The following HDAC4 variants were observed in gnomAD, a reference collection of about 807,000 sequenced individuals.
HDAC4 encodes histone deacetylase 4, also known as histone deacetylase A.
HDAC4 carries 16 observed loss-of-function variants against 135.1 expected under a neutral mutation model. That is an observed-to-expected ratio of 0.12 (90% CI 0.08 to 0.18). The LOEUF (loss-of-function observed/expected upper bound fraction) is 0.18, where lower values mean the gene tolerates loss of function less well. Among genes scored for constraint, HDAC4 ranks in the 10% least tolerant of loss-of-function variants. The probability of loss-of-function intolerance (pLI) is 1.00; values close to 1 mark genes in which losing one functional copy is unlikely to be tolerated. For synonymous variants in HDAC4, 685 were observed against 653.4 expected (o/e 1.05, Z -0.74); for missense variants, 1,143 against 1,511.8 (o/e 0.76, Z 4.05).
At chr2:239,086,702 C>A (rs77616728) in intron 19 of HDAC4, among the ~76,000 whole-genome samples, 7 of 152,348 alleles carry the variant, frequency 4.6e-5, no homozygotes, top group Admixed American at 4.6e-4. Context: ...TGCTTCCTGG[C>A]CACAGCCTGA....
At chr2:239,298,587 C>G (rs1273162943) in intron 2 of HDAC4, 1 of 1,018,260 alleles carries the variant, frequency 9.8e-7, no homozygotes, top group African/African-American at 1.7e-5. Context: ...CACCCACATC[C>G]GGTGCACAGC....
intron 2 of HDAC4, among the ~76,000 whole-genome samples, chr2:239,244,866 G>A (rs576932748): frequency 6.6e-6 from 1 of 152,162 alleles, no homozygotes; most frequent in Non-Finnish European, 1.5e-5. Context: ...GCATAGGCTT[G>A]ATGCTCCATA....
intron 24 of HDAC4, among the ~76,000 whole-genome samples, chr2:239,062,421 C>T (rs1050316910): frequency 6.6e-6 from 1 of 152,226 alleles, no homozygotes; most frequent in African/African-American, 2.4e-5. Context: ...GGCAGAGGGG[C>T]GGGGCCCAGG....
intron 9 of HDAC4, among the ~76,000 whole-genome samples, chr2:239,135,733 T>A (rs10166405): frequency 6.6e-6 from 1 of 152,136 alleles, no homozygotes; most frequent in Non-Finnish European, 1.5e-5. Flanking sequence ...CCAGCAGGCA[T>A]GGCAGAGCTA....
intron 2 of HDAC4, among the ~76,000 whole-genome samples, chr2:239,338,207 T>C (rs1435756677): frequency 6.6e-6 from 1 of 152,102 alleles, no homozygotes; most frequent in African/African-American, 2.4e-5. Flanking sequence ...AAATGCACGG[T>C]TTCTAGACCT....
At chr2:239,134,216 T>A in intron 11 of HDAC4, 29 bp downstream of exon 11, 1 of 1,593,058 alleles carries the variant, frequency 6.3e-7, no homozygotes, top group Non-Finnish European at 8.6e-7. Context: ...CCTCAGAGCC[T>A]GGCTGCACCC....
intron 1 of HDAC4, among the ~76,000 whole-genome samples, chr2:239,399,119 C>T (rs1696764788): frequency 6.6e-6 from 1 of 152,174 alleles, no homozygotes; most frequent in Admixed American, 6.5e-5. Flanking sequence ...AGTAGAATAT[C>T]TGGGAAAGCC....
intron 1 of HDAC4, among the ~76,000 whole-genome samples, chr2:239,373,184 G>T (rs78704684): frequency 0.017 from 2,570 of 152,204 alleles, 57 homozygotes; most frequent in East Asian, 0.12. Context: ...CTCTAAAGAG[G>T]CTGCAGCCGC....
At position 239,255,222 on chromosome 2, in the gene HDAC4, A is replaced by C. The variant is rs1286831741; in HGVS notation, c.23-18558T>G. 2.0e-4 allele frequency among the ~76,000 whole-genome samples: 30 copies of C among 152,162 alleles called. 1 individual carries two copies. The highest frequency in any genetic ancestry group is 2.0e-3 in the Admixed American group (30 of 15,284). On this transcript the variant is annotated intron_variant, in intron 2 of 26. Coordinates refer to ENST00000543185, the MANE Select transcript of HDAC4 (RefSeq NM_001378414.1). ...CTAGTAAATCATGTAAGTACACATT[A>C]ATAACTACTGAATATTCAATTAATA...
chr2:239,359,058 A>AT (rs1559383344), intron 1 of HDAC4, among the ~76,000 whole-genome samples: 1 of 152,160 alleles, frequency 6.6e-6, no homozygotes, highest in Non-Finnish European at 1.5e-5. Flanking sequence ...AAGTACAAAT[A>AT]TTTTAAGTAA....
chr2:239,102,544 T>C (rs2037760702), intron 16 of HDAC4: 1 of 549,290 alleles, frequency 1.8e-6, no homozygotes, highest in East Asian at 3.2e-5. Context: ...AAGATGCTTC[T>C]AAACCAACGG....
intron 1 of HDAC4, among the ~76,000 whole-genome samples, chr2:239,395,925 T>C (rs898157632): frequency 6.6e-6 from 1 of 152,242 alleles, no homozygotes; most frequent in Non-Finnish European, 1.5e-5. Flanking sequence ...TTAAGACTTT[T>C]CTAGAGAGCA....
At chr2:239,380,027 G>T (rs1012398573) in intron 1 of HDAC4, among the ~76,000 whole-genome samples, 2 of 152,216 alleles carry the variant, frequency 1.3e-5, no homozygotes, top group African/African-American at 4.8e-5. Flanking sequence ...GGGGCGCCAA[G>T]ACTCCACTGG....
At chr2:239,271,708 A>G (rs1021842534) in intron 2 of HDAC4, among the ~76,000 whole-genome samples, 1 of 152,188 alleles carries the variant, frequency 6.6e-6, no homozygotes, top group African/African-American at 2.4e-5. Context: ...CTGGACCCCG[A>G]AGACAGGTTG....
At chr2:239,154,014 G>C (rs747432054) in intron 7 of HDAC4, among the ~76,000 whole-genome samples, 2 of 152,204 alleles carry the variant, frequency 1.3e-5, no homozygotes, top group Non-Finnish European at 2.9e-5. Flanking sequence ...CTGATCCCCA[G>C]GTAGTGCTGA....
intron 4 of HDAC4, chr2:239,186,392 T>G (rs909467521): frequency 6.6e-6 from 1 of 152,266 alleles, no homozygotes; most frequent in Non-Finnish European, 1.5e-5. Context: ...TATGATGGCT[T>G]ATAAAGAGAG....
chr2:239,102,087 C>T (rs918223769), intron 16 of HDAC4, among the ~76,000 whole-genome samples: 74 of 103,850 alleles, frequency 7.1e-4, no homozygotes, highest in African/African-American at 2.3e-3. Context: ...GCCCTGGAAG[C>T]CCCCGGCCCG....
At chr2:239,094,362 T>C (rs2036797970) in intron 17 of HDAC4, 1 of 985,318 alleles carries the variant, frequency 1.0e-6, no homozygotes, top group East Asian at 1.1e-4. Flanking sequence ...ATGCCCAGAC[T>C]GGAAAGTCCT....
At chr2:239,246,987 C>T (rs1438390064) in intron 2 of HDAC4, among the ~76,000 whole-genome samples, 1 of 152,252 alleles carries the variant, frequency 6.6e-6, no homozygotes, top group Non-Finnish European at 1.5e-5. Context: ...GGAGGAGTCA[C>T]ACACAACAGA....
Sources: allele counts gnomAD v4.1 joint callset (sites outside exome capture counted in the v4.1 genomes callset), GRCh38; gene constraint gnomAD v4.1.1; transcripts MANE v1.5; gene names NCBI Gene and HGNC (gene_info 2026-07-23, HGNC 2026-07-21).